Variants in KLHL30 observed in about 807,000 individuals in gnomAD.
KLHL30 encodes kelch-like protein 30.
KLHL30 carries 55 observed loss-of-function variants against 55.0 expected under a neutral mutation model. The observed-to-expected ratio is 1.00, with a 90% CI of 0.80 to 1.25. The LOEUF is 1.25. KLHL30 is among the 50% of genes most tolerant of loss of function. The probability of loss-of-function intolerance (pLI) is 0.00; values close to 1 mark genes in which losing one functional copy is unlikely to be tolerated. For missense variants in KLHL30, 786 were observed against 811.6 expected (o/e 0.97, Z 0.38); for synonymous variants, 356 against 372.6 (o/e 0.96, Z 0.51).
chr2:238,146,426 TGA>T (rs1692649528), intron 5 of KLHL30, among the ~76,000 whole-genome samples: 1 of 150,956 alleles, frequency 6.6e-6, no homozygotes, highest in Non-Finnish European at 1.5e-5. Context: ...TTTTTATTTT[TGA>T]GACGGTCTTT....
At chr2:238,145,206 C>T (rs946115721) in intron 4 of KLHL30, among the ~76,000 whole-genome samples, 2 of 152,254 alleles carry the variant, frequency 1.3e-5, no homozygotes, top group Admixed American at 6.5e-5. Context: ...CTGCATCACA[C>T]AGCTCCTTCA....
At chr2:238,140,501 C>T (rs755810259) in intron 1 of KLHL30, among the ~76,000 whole-genome samples, 184 bp from the exon 2 acceptor site, 42 of 152,188 alleles carry the variant, frequency 2.8e-4, no homozygotes, top group Non-Finnish European at 5.1e-4. Context: ...GGGAATGACA[C>T]CTGCCCTACC....
intron 7 of KLHL30, among the ~76,000 whole-genome samples, chr2:238,150,263 G>A (rs773393053): frequency 6.6e-6 from 1 of 152,128 alleles, no homozygotes; most frequent in East Asian, 1.9e-4. Context: ...TCATCTGGAG[G>A]CCACAGACCG....
Position 238,144,452 on chromosome 2 carries a change from C to A in KLHL30, c.908-450C>A, listed in dbSNP as rs368189387. Among the ~76,000 whole-genome samples, 377 of 111,670 alleles carry A rather than the reference C, an allele frequency of 3.4e-3. 5 individuals are homozygous for A. Among genetic ancestry groups the A allele is most frequent in the East Asian group, 0.021 (79 of 3,752 alleles). 73.3% of individuals were successfully genotyped at this position (111,670 alleles called of 152,430 possible). The stretch of plus-strand genomic sequence containing the variant: ...GAAGGAAGGCAGGCAGGCAGGCAGG[C>A]AGGCAGGCAGGCAGGCAGGCAGGCA... On this transcript the variant is annotated intron_variant, in intron 3 of 7. Coordinates refer to ENST00000409223, the MANE Select transcript of KLHL30 (RefSeq NM_198582.4).
intron 1 of KLHL30, among the ~76,000 whole-genome samples, chr2:238,139,490 G>A (rs995874122): frequency 6.6e-6 from 1 of 152,140 alleles, no homozygotes. Flanking sequence ...CCCTGTGCGC[G>A]AGCCCGGGTT....
rs917223553 is a variant in KLHL30 at position 238,141,565 on chromosome 2, C to T, written c.774+37C>T. On this transcript the variant is annotated intron_variant, in intron 2 of 7. Coordinates refer to ENST00000409223, the MANE Select transcript of KLHL30 (RefSeq NM_198582.4). ...GCTGGGAGGCCCCATCCCTGGGAAGCAGGGAGGAGAGCCCCAGAGACCCCA... is the reference window on the plus strand; with the variant it reads ...GCTGGGAGGCCCCATCCCTGGGAAGTAGGGAGGAGAGCCCCAGAGACCCCA... 4.2e-6 allele frequency: 6 copies of T among 1,430,964 alleles called. No homozygotes were observed. In the African/African-American group the frequency reaches 8.6e-5, roughly 21 times the overall value. 88.6% of individuals were successfully genotyped at this position (1,430,964 alleles called of 1,614,324 possible). A position where few individuals can be genotyped will look rare whatever the true frequency, so the allele number is the denominator to read the frequency against.
rs752594602 is a variant in KLHL30, at chr2:238,141,313, C to T, written c.559C>T (p.Leu187=). ...GCTGGTCACTTGTCTGGCCGGCGAC[C>T]TGCTGCAGGTACAGCCGGAGCAAAG... ...ERLVTCLAGD[L]LQVQPEQSRL... Residue 187 remains leucine (L), a synonymous_variant, in exon 2 of 8, where the codon CTG becomes TTG. Coordinates refer to ENST00000409223, the MANE Select transcript of KLHL30 (RefSeq NM_198582.4). 6.3e-7 allele frequency: 1 copy of T among 1,596,986 alleles called. No homozygotes were observed. The highest frequency in any genetic ancestry group is 8.5e-7 in the Non-Finnish European group (1 of 1,174,682).
At chr2:238,148,101 G>A (rs185069405) in intron 6 of KLHL30, 79 bp downstream of exon 6, 1,449 of 1,294,356 alleles carry the variant, frequency 1.1e-3, no homozygotes, top group Non-Finnish European at 1.4e-3. Flanking sequence ...GTGATGGTGA[G>A]GATTGGGGCT....
chr2:238,139,171 G>A lies in KLHL30; in HGVS notation c.-71+413G>A, dbSNP rs908875830. 3.9e-5 allele frequency among the ~76,000 whole-genome samples: 6 copies of A among 152,274 alleles called. No homozygotes were observed. In the East Asian group the frequency reaches 1.2e-3, roughly 29 times the overall value. ...GACTGCAGGGTGACAGGTGTCAGCA[G>A]GCACCCCGAGGCCCCCAGGGGAAGT... On this transcript the variant is annotated intron_variant, in intron 1 of 7. Coordinates refer to ENST00000409223, the MANE Select transcript of KLHL30 (RefSeq NM_198582.4).
chr2:238,139,496 G>A (rs909590554), intron 1 of KLHL30, among the ~76,000 whole-genome samples: 4 of 152,310 alleles, frequency 2.6e-5, no homozygotes, highest in African/African-American at 9.6e-5. Flanking sequence ...GCGCGAGCCC[G>A]GGTTGGTCCG....
chr2:238,144,963 C>T lies in KLHL30; in HGVS notation c.969C>T (p.Ala323=). 1 of 1,609,288 alleles carries T rather than the reference C, an allele frequency of 6.2e-7. No homozygotes were observed. ...DYHKWGFSLA[A]LNNNIYVTGG... is the part of the protein sequence containing the mutation. ...ACAAGTGGGGTTTCTCCCTGGCGGC[C>T]CTGAACAACAACATCTATGTCACAG... The change falls in exon 4 of 8, where the codon GCC becomes GCT. Residue 323 remains alanine, a synonymous_variant. Transcript: ENST00000409223.
Position 238,140,898 on chromosome 2 carries a change from C to T in KLHL30, c.144C>T (p.Arg48=), listed in dbSNP as rs773306230. 33 of 1,610,994 alleles carry T rather than the reference C, an allele frequency of 2.0e-5. No homozygotes were observed. In the African/African-American group the frequency reaches 3.1e-4, roughly 15 times the overall value. ...LVGGRELPCH[R]GLLALSSPYF... ...GCGGCCGGGAGCTGCCATGCCACCG[C>T]GGCCTCCTGGCGCTCAGCAGCCCCT... Residue 48 remains arginine (R), a synonymous_variant, in exon 2 of 8, where the codon CGC becomes CGT. Transcript: ENST00000409223.
rs562058318 is a variant in KLHL30 at position 238,145,731 on chromosome 2, T to C, written c.1049T>C (p.Phe350Ser). Residue 350 changes from phenylalanine to serine, a missense_variant, in exon 5 of 8, where the codon TTC becomes TCC. By Grantham distance (155) the Phe-to-Ser change is radical. Transcript: ENST00000409223. Reference sequence around the variant, plus strand: ...TGGTCAACCACCCAGGCCTGGTGCTTCCCCCTGAAGGAGGCCTCCTGGAAG... The same window carrying C: ...TGGTCAACCACCCAGGCCTGGTGCTCCCCCCTGAAGGAGGCCTCCTGGAAG... Reference protein sequence around the residue: ...DTWSTTQAWCFPLKEASWKPV... With the variant: ...DTWSTTQAWCSPLKEASWKPV... The C allele has an allele frequency of 8.1e-6, 13 of 1,595,258 alleles. No individual in the cohort carries two copies. In the African/African-American group the frequency reaches 9.4e-5, roughly 12 times the overall value.
In KLHL30 at chr2:238,144,910, A is replaced by G. The variant is rs769150153; in HGVS notation, c.916A>G (p.Met306Val). ...AFYNSKAKRW[M>V]ALPDFPDYHK... ...CTCTCTCTTCCTGCCAGAGAGGTGG[A>G]TGGCACTTCCAGACTTCCCCGACTA... is the stretch of plus-strand genomic sequence containing the variant. The change falls in exon 4 of 8, where the codon ATG becomes GTG. Residue 306 changes from methionine (M) to valine (V), a missense_variant. Met to Val is a conservative substitution (Grantham distance 21). Transcript: ENST00000409223. 6.2e-7 allele frequency: 1 copy of G among 1,609,752 alleles called. No homozygotes were observed. The highest frequency in any genetic ancestry group is 8.5e-7 in the Non-Finnish European group (1 of 1,178,150).
chr2:238,142,245 G>C lies in KLHL30; in HGVS notation c.775-554G>C, dbSNP rs185224951. Among the ~76,000 whole-genome samples, 282 of 152,330 alleles carry C rather than the reference G, an allele frequency of 1.9e-3. 3 individuals carry two copies. Among genetic ancestry groups the C allele is most frequent in the Middle Eastern group, 3.4e-3 (1 of 294 alleles). On this transcript the variant is annotated intron_variant, in intron 2 of 7. Transcript: ENST00000409223. ...GGTCCTCAGGCCAAGGGTGGAGTGA[G>C]TAGTGGGCTAAACCCTAACCCCTGT... is the stretch of plus-strand genomic sequence containing the variant.
At chr2:238,146,694 G>T (rs922235732) in intron 5 of KLHL30, among the ~76,000 whole-genome samples, 1 of 150,374 alleles carries the variant, frequency 6.7e-6, no homozygotes, top group Non-Finnish European at 1.5e-5. Flanking sequence ...AGAGGGAGCC[G>T]CTGCCCCCAG....
chr2:238,140,972 G>GCGTGGAGCTGCGGGA lies in KLHL30; in HGVS notation c.227_241dup (p.Leu76_Glu80dup). 11 of 1,612,372 alleles carry GCGTGGAGCTGCGGGA rather than the reference G, an allele frequency of 6.8e-6. No individual in the cohort carries two copies. Among genetic ancestry groups the GCGTGGAGCTGCGGGA allele is most frequent in the Non-Finnish European group, 9.3e-6 (11 of 1,179,602 alleles). ...GACTTCGCCGAGAGCTTCTCTGCGCGCGTGGAGCTGCGGGACGTGGAGCCC... is the reference window on the plus strand; with the variant it reads ...GACTTCGCCGAGAGCTTCTCTGCGCGCGTGGAGCTGCGGGACGTGGAGCTGCGGGACGTGGAGCCC... On this transcript the variant is annotated inframe_insertion, in exon 2 of 8. Coordinates refer to ENST00000409223, the MANE Select transcript of KLHL30 (RefSeq NM_198582.4).
rs1692760499 is a variant in KLHL30, at chr2:238,151,794, AG to A, written c.*731del. On this transcript the variant is annotated 3_prime_UTR_variant, in exon 8 of 8. Transcript: ENST00000409223. Reference sequence around the variant, plus strand: ...GGGGCGGGGCTGGAGGGTCCCAGGGAGGTGAGCAGTTTTGCTCTCAGAAGGG... The same window carrying A: ...GGGGCGGGGCTGGAGGGTCCCAGGGAGTGAGCAGTTTTGCTCTCAGAAGGG... 1 of 770,898 alleles carries A rather than the reference AG, an allele frequency of 1.3e-6. No individual in the cohort carries two copies. Among genetic ancestry groups the A allele is most frequent in the Non-Finnish European group, 1.6e-6 (1 of 633,988 alleles). The allele number at this position is 770,898 out of a possible 1,614,324, so 47.8% of individuals were successfully genotyped here. A position where few individuals can be genotyped will look rare whatever the true frequency, so the allele number is the denominator to read the frequency against.
intron 3 of KLHL30, 70 bp downstream of exon 3, chr2:238,143,001 T>G (rs1301001357): frequency 2.8e-6 from 4 of 1,445,302 alleles, no homozygotes; most frequent in Non-Finnish European, 3.6e-6. Flanking sequence ...TGTGTCCTCC[T>G]TGCAGGTGGA....
Sources: gnomAD v4.1 joint callset for allele counts (sites outside exome capture counted in the v4.1 genomes callset) on GRCh38, gnomAD v4.1.1 for gene constraint, MANE v1.5 for transcripts, NCBI Gene and HGNC (gene_info 2026-07-23, HGNC 2026-07-21) for gene names.